The following PRKCI variants were observed in gnomAD, a reference collection of about 807,000 sequenced individuals.
PRKCI encodes protein kinase C iota type.
In PRKCI, 43 loss-of-function variants were observed where a neutral mutation model predicts 84.0. The ratio of observed to expected loss-of-function variants is 0.51; its 90% confidence interval spans 0.40 to 0.66. The LOEUF (loss-of-function observed/expected upper bound fraction) is 0.66. Ranked by LOEUF, PRKCI falls within the 30% of genes least tolerant of loss-of-function variation. PRKCI has a pLI of 0.00. For missense variants in PRKCI, 459 were observed against 745.6 expected (o/e 0.62, Z 4.48); for synonymous variants, 216 against 234.4 (o/e 0.92, Z 0.72).
chr3:170,256,826 A>G (rs919808772), intron 2 of PRKCI, among the ~76,000 whole-genome samples: 12 of 152,016 alleles, frequency 7.9e-5, no homozygotes, highest in Admixed American at 3.9e-4. Flanking sequence ...CTCACCTCTT[A>G]GTACTGCTTT....
chr3:170,249,744 C>G (rs987393948), intron 2 of PRKCI, among the ~76,000 whole-genome samples: 1 of 151,466 alleles, frequency 6.6e-6, no homozygotes, highest in Non-Finnish European at 1.5e-5. Flanking sequence ...CTGCAGTGAA[C>G]CAAGATCATG....
intron 4 of PRKCI, among the ~76,000 whole-genome samples, chr3:170,265,917 G>A (rs909332475): frequency 2.0e-5 from 3 of 151,986 alleles, no homozygotes; most frequent in African/African-American, 4.8e-5. Context: ...CACCGCGCCC[G>A]GCCTAAACTT....
At chr3:170,233,380 G>A (rs1159154764) in intron 1 of PRKCI, among the ~76,000 whole-genome samples, 1 of 151,950 alleles carries the variant, frequency 6.6e-6, no homozygotes, top group African/African-American at 2.4e-5. Flanking sequence ...ATCTAAATTT[G>A]CCATTTTGGG....
At position 170,287,279 on chromosome 3, in the gene PRKCI, C is replaced by T. The variant is rs1019116606; in HGVS notation, c.1203+2683C>T. 4.0e-5 allele frequency among the ~76,000 whole-genome samples: 6 copies of T among 151,804 alleles called. No homozygotes were observed. In the South Asian group the frequency reaches 8.3e-4, roughly 21 times the overall value. ...CTGGGGCTGTAGTGAGCTGTAATCGCGCCACTGCACTCCAGTCTGGGTGAC... is the reference window on the plus strand; with the variant it reads ...CTGGGGCTGTAGTGAGCTGTAATCGTGCCACTGCACTCCAGTCTGGGTGAC... On this transcript the variant is annotated intron_variant, in intron 12 of 17. Transcript: ENST00000295797.
At chr3:170,232,020 G>A (rs1013180754) in intron 1 of PRKCI, among the ~76,000 whole-genome samples, 1 of 151,218 alleles carries the variant, frequency 6.6e-6, no homozygotes, top group Non-Finnish European at 1.5e-5. Flanking sequence ...GAAAAAAGTG[G>A]AACAAAAGAA....
At chr3:170,250,444 C>CA (rs201210886) in intron 2 of PRKCI, among the ~76,000 whole-genome samples, 8 of 68,870 alleles carry the variant, frequency 1.2e-4, no homozygotes, top group African/African-American at 2.6e-4. Flanking sequence ...CCCCCCCCCC[C>CA]AAAAAAAAAT....
chr3:170,260,012 C>A lies in PRKCI; in HGVS notation c.267C>A (p.Ala89=). 1 of 1,612,900 alleles carries A rather than the reference C, an allele frequency of 6.2e-7. No homozygotes were observed. The highest frequency in any genetic ancestry group is 8.5e-7 in the Non-Finnish European group (1 of 1,179,440). Residue 89 remains alanine, a synonymous_variant, in exon 3 of 18, where the codon GCC becomes GCA. Transcript: ENST00000295797. The part of the protein sequence containing the change: ...TVSSQLELEE[A]FRLYELNKDS... ...CATCTCAGTTGGAGTTAGAAGAAGC[C>A]TTTAGACTTTATGAGCTAAACAAGG... is the stretch of plus-strand genomic sequence containing the variant.
At chr3:170,264,339 A>G (rs1189644299) in intron 4 of PRKCI, among the ~76,000 whole-genome samples, 1 of 151,880 alleles carries the variant, frequency 6.6e-6, no homozygotes, top group Non-Finnish European at 1.5e-5. Flanking sequence ...GAGTGCAGTG[A>G]CGCAATCTTG....
intron 6 of PRKCI, among the ~76,000 whole-genome samples, chr3:170,271,306 C>A (rs1230090285): frequency 6.6e-6 from 1 of 152,148 alleles, no homozygotes; most frequent in Non-Finnish European, 1.5e-5. Flanking sequence ...CATCTGTACC[C>A]CCATTCACTT....
rs2108855080 is a variant in PRKCI at position 170,273,352 on chromosome 3, G to A, written c.646+12G>A. On this transcript the variant is annotated intron_variant, in intron 7 of 17. Coordinates refer to ENST00000295797, the MANE Select transcript of PRKCI (RefSeq NM_002740.6). The stretch of plus-strand genomic sequence containing the variant: ...CCATGCACAGACAGGTAAGAGTGGT[G>A]CTGGCACAACCCATTGTTCATTCAC... The A allele has an allele frequency of 6.2e-7, 1 of 1,611,826 alleles. No individual in the cohort carries two copies. Among genetic ancestry groups the A allele is most frequent in the South Asian group, 1.1e-5 (1 of 91,022 alleles).
chr3:170,257,322 A>G (rs553605918), intron 2 of PRKCI, among the ~76,000 whole-genome samples: 1 of 152,308 alleles, frequency 6.6e-6, no homozygotes, highest in African/African-American at 2.4e-5. Flanking sequence ...TAAGGACTGA[A>G]AAGATGTCAT....
At chr3:170,234,868 T>C (rs553712442) in intron 1 of PRKCI, among the ~76,000 whole-genome samples, 10 of 152,206 alleles carry the variant, frequency 6.6e-5, no homozygotes, top group Admixed American at 2.0e-4. Context: ...AGTGATGTGA[T>C]CTCAGCTCAC....
chr3:170,251,218 C>T (rs1419248345), intron 2 of PRKCI, among the ~76,000 whole-genome samples: 1 of 152,150 alleles, frequency 6.6e-6, no homozygotes, highest in Non-Finnish European at 1.5e-5. Context: ...AAAGTGAATT[C>T]CCTGCATATC....
chr3:170,260,124 C>A, intron 3 of PRKCI, 66 bp downstream of exon 3: 2 of 1,043,656 alleles, frequency 1.9e-6, no homozygotes, highest in Non-Finnish European at 1.4e-6. Context: ...CTTTATTCTT[C>A]ACCATTTTGA....
At chr3:170,284,098 G>A (rs897229224) in intron 11 of PRKCI, among the ~76,000 whole-genome samples, 1 of 152,012 alleles carries the variant, frequency 6.6e-6, no homozygotes, top group Non-Finnish European at 1.5e-5. Flanking sequence ...CCTTAGAGAA[G>A]TGATGAAAGC....
At chr3:170,259,709 G>A (rs1560174581) in intron 2 of PRKCI, among the ~76,000 whole-genome samples, 1 of 152,084 alleles carries the variant, frequency 6.6e-6, no homozygotes, top group African/African-American at 2.4e-5. Context: ...GGGAAGCTGA[G>A]GCAGGAGAAT....
At chr3:170,295,452 T>A (rs1380482061) in intron 14 of PRKCI, among the ~76,000 whole-genome samples, 1 of 151,764 alleles carries the variant, frequency 6.6e-6, no homozygotes, top group Admixed American at 6.6e-5. Flanking sequence ...GCGGATCACT[T>A]ACCTTCATGA....
At chr3:170,295,817 C>A in intron 14 of PRKCI, 94 bp from the exon 15 acceptor site, 1 of 662,948 alleles carries the variant, frequency 1.5e-6, no homozygotes. Context: ...TGCACTCCAA[C>A]CTGGGCAACA....
chr3:170,238,045 C>T (rs573323333), intron 2 of PRKCI, among the ~76,000 whole-genome samples: 5 of 152,252 alleles, frequency 3.3e-5, no homozygotes, highest in African/African-American at 1.2e-4. Context: ...TGCCACCCAC[C>T]CTGGCCCTCC....
Sources: gnomAD v4.1 joint callset for allele counts (sites outside exome capture counted in the v4.1 genomes callset) on GRCh38, gnomAD v4.1.1 for gene constraint, MANE v1.5 for transcripts, NCBI Gene and HGNC (gene_info 2026-07-23, HGNC 2026-07-21) for gene names.